The following CDK2AP1 variants were observed in gnomAD, a reference collection of about 807,000 sequenced individuals.
The protein encoded by CDK2AP1 is cyclin dependent kinase 2 associated protein 1, also known as cyclin-dependent kinase 2-associated protein 1.
CDK2AP1 carries 10 observed loss-of-function variants against 14.1 expected under a neutral mutation model. That is an observed-to-expected ratio of 0.71 (90% CI 0.44 to 1.20). The LOEUF is 1.20. Ranked by LOEUF, CDK2AP1 falls within the 50% of genes most tolerant of loss-of-function variation. CDK2AP1 has a pLI of 0.00. For missense variants in CDK2AP1, 102 were observed against 149.9 expected, an observed-to-expected ratio of 0.68 and a Z score of 1.67; for synonymous variants, 59 against 59.8, an observed-to-expected ratio of 0.99 and a Z score of 0.06.
chr12:123,263,167 C>T (rs112257759), intron 3 of CDK2AP1, among the ~76,000 whole-genome samples: 2,846 of 149,230 alleles, frequency 0.019, 35 homozygotes, highest in Non-Finnish European at 0.03. Context: ...GCCGAGATCG[C>T]GCCACTGCAC....
rs1199676533 is a variant in CDK2AP1, at chr12:123,261,928, A to AC, written c.281-126dup. 4.2e-6 allele frequency: 3 copies of AC among 709,858 alleles called. No homozygotes were observed. In the Admixed American group the frequency reaches 6.7e-5, roughly 16 times the overall value. The allele number at this position is 709,858 out of a possible 1,614,324, so 44.0% of individuals were successfully genotyped here. A position where few individuals can be genotyped will look rare whatever the true frequency, so the allele number is the denominator to read the frequency against. Reference sequence around the variant, plus strand: ...CACAAAACCCTCAGACATAAAGAGAACCAGGGAAACCTATAACCAAGCAAC... The same window carrying AC: ...CACAAAACCCTCAGACATAAAGAGAACCCAGGGAAACCTATAACCAAGCAAC... On this transcript the variant is annotated intron_variant, in intron 3 of 3. Coordinates refer to ENST00000261692, the MANE Select transcript of CDK2AP1 (RefSeq NM_004642.4).
chr12:123,271,037 GGCAGCCCC>G (rs545699071), intron 1 of CDK2AP1: 903,733 of 944,760 alleles, frequency 0.96, 439,119 homozygotes, highest in East Asian at 1. Flanking sequence ...CCGGCAGCCC[GGCAGCCCC>G]GCAGCCCCGC....
chr12:123,266,513 C>T (rs1310336578), intron 2 of CDK2AP1, among the ~76,000 whole-genome samples: 5 of 152,256 alleles, frequency 3.3e-5, no homozygotes, highest in African/African-American at 7.2e-5. Flanking sequence ...AGCATCTTCC[C>T]GCTGGGACCT....
At position 123,265,225 on chromosome 12, in the gene CDK2AP1, C is replaced by T. The variant is rs754860005; in HGVS notation, c.251G>A (p.Ser84Asn). Residue 84 changes from serine (S) to asparagine (N), a missense_variant, in exon 3 of 4, where the codon AGC (serine) becomes AAC (asparagine). Around this residue, in one of 2 missense-constraint regions of CDK2AP1, gnomAD observed 52 missense variants for 107.2 expected, o/e 0.48. Transcript: ENST00000261692. This position sits in a 1 kb window ranked among gnomAD's most constrained non-coding sequence, Gnocchi z 5.3. ...GKEIRPTYAG[S>N]KSAMERLKRG... is the part of the protein sequence containing the mutation. ...CTTCAGCCTCTCCATGGCACTCTTG[C>T]TCCCTGCGTACGTGGGTCTGATCTC... The T allele has an allele frequency of 1.2e-6, 2 of 1,614,200 alleles. No individual in the cohort carries two copies. Among genetic ancestry groups the T allele is most frequent in the Non-Finnish European group, 1.7e-6 (2 of 1,180,036 alleles).
In CDK2AP1 at chr12:123,271,618, T is replaced by TC. The variant is rs1043177736; in HGVS notation, c.-1dup. 2.0e-6 allele frequency: 2 copies of TC among 991,114 alleles called. No homozygotes were observed. Among genetic ancestry groups the TC allele is most frequent in the Non-Finnish European group, 2.4e-6 (2 of 835,816 alleles). 61.4% of individuals were successfully genotyped at this position (991,114 alleles called of 1,614,324 possible). ...GCGGCCAAGTTCGGTTTGTAAGACA[T>TC]CCCCCCGGGCGGCGGGCGCGCCGGG... On this transcript the variant is annotated 5_prime_UTR_variant, in exon 1 of 4. Transcript: ENST00000261692.
At chr12:123,272,231 G>A (rs1033165937), upstream of CDK2AP1, 5 of 152,186 alleles carry the variant, frequency 3.3e-5, no homozygotes, top group Admixed American at 2.0e-4. Context: ...CCAAGCCCCA[G>A]GATTAGAATA....
chr12:123,262,995 CTTGAGGTCAGGAGT>C (rs2048248457), intron 3 of CDK2AP1, among the ~76,000 whole-genome samples: 1 of 151,928 alleles, frequency 6.6e-6, no homozygotes, highest in African/African-American at 2.4e-5. Context: ...GGGTTGCCCA[CTTGAGGTCAGGAGT>C]TTGAGACCAG....
intron 1 of CDK2AP1, among the ~76,000 whole-genome samples, chr12:123,268,870 A>C (rs2048326230): frequency 1.3e-5 from 2 of 152,328 alleles, no homozygotes; most frequent in Non-Finnish European, 2.9e-5. Context: ...TGTGGCAGCA[A>C]GCATGGCATG....
intron 3 of CDK2AP1, among the ~76,000 whole-genome samples, chr12:123,263,953 C>T (rs2048260211): frequency 6.6e-6 from 1 of 151,828 alleles, no homozygotes. Flanking sequence ...ACTAAAAATA[C>T]AAAAATTAGC....
intron 2 of CDK2AP1, 94 bp downstream of exon 2, chr12:123,267,091 C>T (rs986378730): frequency 3.3e-5 from 27 of 816,182 alleles, no homozygotes; most frequent in Non-Finnish European, 5.4e-5. Context: ...ATCCTTTCTG[C>T]TCCTTCGTCT....
At chr12:123,271,205 G>A in intron 1 of CDK2AP1, 1 of 165,266 alleles carries the variant, frequency 6.1e-6, no homozygotes, top group Non-Finnish European at 1.2e-5. Context: ...CCCGACTCCC[G>A]CCGGCAGGGG....
At chr12:123,261,877 G>C in intron 3 of CDK2AP1, 74 bp from the exon 4 acceptor site, 1 of 1,019,700 alleles carries the variant, frequency 9.8e-7, no homozygotes, top group Non-Finnish European at 1.6e-6. Context: ...GAAACAGCAA[G>C]AGGATCCATC....
chr12:123,263,843 C>T (rs898582585), intron 3 of CDK2AP1, among the ~76,000 whole-genome samples: 14 of 152,002 alleles, frequency 9.2e-5, no homozygotes, highest in Non-Finnish European at 1.9e-4. Flanking sequence ...GGTGGCTCAA[C>T]GCCTGTAATC....
At position 123,265,178 on chromosome 12, in the gene CDK2AP1, C is replaced by T; in HGVS notation, c.280+18G>A. On this transcript the variant is annotated intron_variant, in intron 3 of 3. Coordinates refer to ENST00000261692, the MANE Select transcript of CDK2AP1 (RefSeq NM_004642.4). This position sits in a 1 kb window ranked among gnomAD's most constrained non-coding sequence, Gnocchi z 5.3. ...TCTAGCACTGTGGTCACCGACAGGG[C>T]AGCGGGGCCGGGCTTACCGCGCTTC... is the stretch of plus-strand genomic sequence containing the variant. 6.2e-7 allele frequency: 1 copy of T among 1,614,064 alleles called. No homozygotes were observed. The highest frequency in any genetic ancestry group is 1.1e-5 in the South Asian group (1 of 91,080).
chr12:123,263,994 A>G (rs939985862), intron 3 of CDK2AP1, among the ~76,000 whole-genome samples: 3 of 152,102 alleles, frequency 2.0e-5, no homozygotes, highest in African/African-American at 7.2e-5. Context: ...TGTAGTCCCA[A>G]CTACTCGGGA....
chr12:123,271,545 T>C lies in CDK2AP1; in HGVS notation c.55+19A>G. 1 of 996,906 alleles carries C rather than the reference T, an allele frequency of 1.0e-6. No homozygotes were observed. The highest frequency in any genetic ancestry group is 1.2e-6 in the Non-Finnish European group (1 of 839,184). The allele number at this position is 996,906 out of a possible 1,614,324, so 61.8% of individuals were successfully genotyped here. On this transcript the variant is annotated intron_variant, in intron 1 of 3. Coordinates refer to ENST00000261692, the MANE Select transcript of CDK2AP1 (RefSeq NM_004642.4). ...CCAACTTGGCGGCGCTTGGGGCGCG[T>C]CGCACGCGGCTCACTCACCGGCGTT...
intron 2 of CDK2AP1, among the ~76,000 whole-genome samples, chr12:123,266,796 G>A (rs923086988): frequency 3.3e-5 from 5 of 152,222 alleles, no homozygotes; most frequent in African/African-American, 4.8e-5. Context: ...TGCTGGGCCC[G>A]CGCCCGTGGA....
rs374586800 is a variant in CDK2AP1 at position 123,267,163 on chromosome 12, G to A, written c.153+22C>T. The A allele has an allele frequency of 2.9e-6, 4 of 1,379,006 alleles. No individual in the cohort carries two copies. The African/African-American group carries it at 4.3e-5, about 15-fold the overall frequency. The allele number at this position is 1,379,006 out of a possible 1,614,324, so 85.4% of individuals were successfully genotyped here. A position where few individuals can be genotyped will look rare whatever the true frequency, so the allele number is the denominator to read the frequency against. Reference sequence around the variant, plus strand: ...TGTCTCCCCCTGGCCCTCCCACCATGCCATCACCCCCATTGACATACCTGG... The same window carrying A: ...TGTCTCCCCCTGGCCCTCCCACCATACCATCACCCCCATTGACATACCTGG... On this transcript the variant is annotated intron_variant, in intron 2 of 3. Transcript: ENST00000261692.
chr12:123,271,921 C>T (rs1404333928), upstream of CDK2AP1: 4 of 146,378 alleles, frequency 2.7e-5, no homozygotes, highest in Non-Finnish European at 4.6e-5. Context: ...GCGGCTCCGC[C>T]TGCGGCCGCG....
Sources: gnomAD v4.1 joint callset for allele counts (sites outside exome capture counted in the v4.1 genomes callset) on GRCh38, gnomAD v4.1.1 for gene constraint, gnomAD v4.1.1 regional missense constraint, Gnocchi (gnomAD v3.1) non-coding constraint, MANE v1.5 for transcripts, NCBI Gene and HGNC (gene_info 2026-07-23, HGNC 2026-07-21) for gene names.